The following ENPP1 variants were observed in gnomAD, a reference collection of about 807,000 sequenced individuals.
The protein encoded by ENPP1 is ectonucleotide pyrophosphatase/phosphodiesterase family member 1.
A neutral mutation model predicts 122.8 loss-of-function variants in ENPP1; 73 were observed. The ratio of observed to expected loss-of-function variants is 0.59; its 90% CI spans 0.49 to 0.72. The LOEUF is 0.72. Ranked by LOEUF, ENPP1 falls within the 30% of genes least tolerant of loss-of-function variation. The probability of loss-of-function intolerance (pLI) is 0.00; values close to 1 mark genes in which losing one functional copy is unlikely to be tolerated. For synonymous variants in ENPP1, 367 were observed against 391.6 expected (o/e 0.94, Z 0.74); for missense variants, 978 against 1,128.1 (o/e 0.87, Z 1.91).
Position 131,886,503 on chromosome 6 carries a change from ATT to A in ENPP1, c.2445-58_2445-57del. On this transcript the variant is annotated intron_variant, in intron 23 of 24. Transcript: ENST00000647893. ...TATTAAAAGCATGCTCTACTGAAAT[ATT>A]CATCAAAAGGAAGATAGTTATTTCT... 5 of 1,278,392 alleles carry A rather than the reference ATT, an allele frequency of 3.9e-6. No individual in the cohort carries two copies. In the Admixed American group the frequency reaches 9.1e-5, roughly 23 times the overall value. 79.2% of individuals were successfully genotyped at this position (1,278,392 alleles called of 1,614,324 possible). A position where few individuals can be genotyped will look rare whatever the true frequency, so the allele number is the denominator to read the frequency against.
At chr6:131,867,919 GTTTC>G (rs1782110801) in intron 11 of ENPP1, 95 bp from the exon 12 acceptor site, 3 of 833,924 alleles carry the variant, frequency 3.6e-6, no homozygotes, top group African/African-American at 1.8e-5. Context: ...TTCTTTCTTT[GTTTC>G]TTTCTTTTTT....
At position 131,858,688 on chromosome 6, in the gene ENPP1, A is replaced by G. The variant is rs774807507; in HGVS notation, c.736A>G (p.Lys246Glu). ...TCTAGAAAAATGTGGAACATATACT[A>G]AAAACATGAGACCGGTATATCCAAC... ...SKLKKCGTYT[K>E]NMRPVYPTKT... The change falls in exon 7 of 25, where the codon AAA becomes GAA. Residue 246 changes from lysine (K) to glutamate (E), a missense_variant. By Grantham distance (56) the Lys-to-Glu change is moderately conservative. This residue lies in a region of ENPP1 where 330 missense variants were observed against 328.5 expected (regional missense o/e 1.00). Transcript: ENST00000647893. 1 of 1,608,802 alleles carries G rather than the reference A, an allele frequency of 6.2e-7. No individual in the cohort carries two copies. The highest frequency in any genetic ancestry group is 1.1e-5 in the South Asian group (1 of 90,954).
intron 5 of ENPP1, 136 bp from the exon 6 acceptor site, chr6:131,854,790 T>A: frequency 1.4e-6 from 1 of 690,986 alleles, no homozygotes; most frequent in South Asian, 1.6e-5. Flanking sequence ...CCGACTTTGT[T>A]AGTTAGTTTT....
intron 1 of ENPP1, among the ~76,000 whole-genome samples, chr6:131,842,360 T>A (rs1397159673): frequency 6.6e-6 from 1 of 152,222 alleles, no homozygotes; most frequent in Non-Finnish European, 1.5e-5. Flanking sequence ...TGGTCACCAC[T>A]ATGTCATTTC....
At chr6:131,858,199 T>G (rs1781973973) in intron 6 of ENPP1, among the ~76,000 whole-genome samples, 1 of 152,222 alleles carries the variant, frequency 6.6e-6, no homozygotes, top group Non-Finnish European at 1.5e-5. Flanking sequence ...AGCCACAAGA[T>G]GCCTTTTGTC....
intron 21 of ENPP1, 70 bp from the exon 22 acceptor site, chr6:131,883,624 A>T (rs1240248279): frequency 4.8e-6 from 4 of 837,224 alleles, no homozygotes; most frequent in African/African-American, 1.7e-5. Flanking sequence ...TGCTCCCCTA[A>T]CCATGAGAAA....
chr6:131,840,973 T>C (rs1268989583), intron 1 of ENPP1, among the ~76,000 whole-genome samples: 1 of 152,170 alleles, frequency 6.6e-6, no homozygotes, highest in Non-Finnish European at 1.5e-5. Flanking sequence ...CTTTTCCTGA[T>C]TTTCATGTGA....
At chr6:131,860,359 T>G (rs777332191) in intron 7 of ENPP1, 28 bp from the exon 8 acceptor site, 20 of 1,557,080 alleles carry the variant, frequency 1.3e-5, no homozygotes, top group Non-Finnish European at 1.5e-5. Context: ...AAACACAACT[T>G]GCATATAATC....
intron 1 of ENPP1, among the ~76,000 whole-genome samples, chr6:131,810,006 T>C (rs1018158378): frequency 1.3e-5 from 2 of 152,222 alleles, no homozygotes; most frequent in African/African-American, 4.8e-5. Flanking sequence ...TCTATTGAAT[T>C]GGAAAGAATT....
At chr6:131,885,359 T>A (rs1434064824) in intron 23 of ENPP1, among the ~76,000 whole-genome samples, 1 of 152,246 alleles carries the variant, frequency 6.6e-6, no homozygotes, top group Non-Finnish European at 1.5e-5. Context: ...TGTGGCTGAT[T>A]GTTAAGATAT....
chr6:131,864,670 T>C (rs887156242), intron 10 of ENPP1, 99 bp downstream of exon 10: 1 of 892,828 alleles, frequency 1.1e-6, no homozygotes, highest in African/African-American at 1.7e-5. Context: ...TTTGCTATGA[T>C]GTTTTATATC....
chr6:131,841,164 G>A (rs1272487509), intron 1 of ENPP1, among the ~76,000 whole-genome samples: 4 of 152,174 alleles, frequency 2.6e-5, no homozygotes, highest in Non-Finnish European at 5.9e-5. Context: ...TTGAGCTTTT[G>A]TAATGCTCCA....
In ENPP1 at chr6:131,847,810, G is replaced by T. The variant is rs1333586374; in HGVS notation, c.275G>T (p.Gly92Val). 6.2e-7 allele frequency: 1 copy of T among 1,611,172 alleles called. No individual in the cohort carries two copies. The highest frequency in any genetic ancestry group is 1.7e-5 in the Admixed American group (1 of 59,918). Residue 92 changes from glycine (G) to valine (V), a missense_variant, in exon 2 of 25, where the codon GGT (glycine) becomes GTT (valine). Coordinates refer to ENST00000647893, the MANE Select transcript of ENPP1 (RefSeq NM_006208.3). ...LSVCVLTTIL[G>V]CIFGLKPSCA... ...GTATGTGTGTTAACAACAATACTTG[G>T]TTGTATATTTGGGTTGAAACCAAGC...
intron 1 of ENPP1, chr6:131,827,489 G>T (rs1267437111): frequency 7.9e-6 from 5 of 636,410 alleles, no homozygotes; most frequent in African/African-American, 7.3e-5. Context: ...GAAACTTCAA[G>T]ATTTCTGCGA....
intron 5 of ENPP1, among the ~76,000 whole-genome samples, chr6:131,853,115 G>A (rs891231844): frequency 2.0e-5 from 3 of 151,930 alleles, no homozygotes; most frequent in Non-Finnish European, 4.4e-5. Flanking sequence ...TTTTTAAGCT[G>A]TATTTTAGTT....
chr6:131,883,106 C>T (rs759421408), intron 21 of ENPP1, among the ~76,000 whole-genome samples: 2 of 152,124 alleles, frequency 1.3e-5, no homozygotes, highest in Non-Finnish European at 2.9e-5. Flanking sequence ...TGATGAGAAG[C>T]CATTTTGGGG....
intron 1 of ENPP1, among the ~76,000 whole-genome samples, 170 bp downstream of exon 1, chr6:131,808,445 A>G (rs1195926355): frequency 6.6e-6 from 1 of 152,184 alleles, no homozygotes; most frequent in African/African-American, 2.4e-5. Flanking sequence ...AGTGCCCTAC[A>G]CAGCCGCCCC....
Position 131,816,010 on chromosome 6 carries a change from C to T in ENPP1, c.240+7735C>T, listed in dbSNP as rs547578481. ...TGCTGGGATTACAGGCGTGAGCCAC[C>T]ACGCCCGGCTGTATCAGCTTTTCAT... On this transcript the variant is annotated intron_variant, in intron 1 of 24. Coordinates refer to ENST00000647893, the MANE Select transcript of ENPP1 (RefSeq NM_006208.3). Among the ~76,000 whole-genome samples the T allele has an allele frequency of 2.3e-4, 34 of 149,206 alleles. No individual in the cohort carries two copies. In the South Asian group the frequency reaches 6.7e-3, roughly 29 times the overall value.
At chr6:131,880,058 G>T (rs553100378) in intron 20 of ENPP1, 24 bp downstream of exon 20, 1 of 1,608,398 alleles carries the variant, frequency 6.2e-7, no homozygotes, top group Admixed American at 1.7e-5. Flanking sequence ...ACCTCTTTAT[G>T]TGTGGCCATT....
Sources: allele counts gnomAD v4.1 joint callset (sites outside exome capture counted in the v4.1 genomes callset), GRCh38; gene constraint gnomAD v4.1.1; regional missense constraint gnomAD v4.1.1; transcripts MANE v1.5; gene names NCBI Gene and HGNC (gene_info 2026-07-23, HGNC 2026-07-21).